The following AGO2 variants were observed in gnomAD, a reference collection of about 807,000 sequenced individuals.
The protein encoded by AGO2 is argonaute RISC catalytic component 2.
A neutral mutation model predicts 102.3 loss-of-function variants in AGO2; 5 were observed. The ratio of observed to expected loss-of-function variants is 0.05; its 90% CI spans 0.03 to 0.10. AGO2 has a LOEUF of 0.10. Among genes scored for constraint, AGO2 ranks in the 10% least tolerant of loss-of-function variants. The pLI, the probability that AGO2 is intolerant of heterozygous loss-of-function variation, is 1.00. For synonymous variants in AGO2, 449 were observed against 473.1 expected, an observed-to-expected ratio of 0.95 and a Z score of 0.66; for missense variants, 541 against 1,183.7, an observed-to-expected ratio of 0.46 and a Z score of 7.97.
chr8:140,580,427 C>G (rs569460838), intron 2 of AGO2, among the ~76,000 whole-genome samples: 1 of 152,244 alleles, frequency 6.6e-6, no homozygotes, highest in African/African-American at 2.4e-5. Flanking sequence ...AGACGCCATC[C>G]TTGCTCTCAC....
At chr8:140,597,062 G>T (rs2073856013) in intron 1 of AGO2, among the ~76,000 whole-genome samples, 1 of 152,158 alleles carries the variant, frequency 6.6e-6, no homozygotes, top group African/African-American at 2.4e-5. Context: ...CACAAAATGG[G>T]TTTTACGTCA....
chr8:140,631,944 C>T (rs2074347839), intron 1 of AGO2, among the ~76,000 whole-genome samples: 1 of 152,198 alleles, frequency 6.6e-6, no homozygotes, highest in Admixed American at 6.5e-5. Flanking sequence ...AGTCACTCTA[C>T]TTTTATGTCT....
chr8:140,545,759 TCA>T (rs1325227027), intron 13 of AGO2, among the ~76,000 whole-genome samples: 1 of 152,122 alleles, frequency 6.6e-6, no homozygotes, highest in Non-Finnish European at 1.5e-5. Flanking sequence ...TCAAAACATC[TCA>T]AAGTCTAGAT....
upstream of AGO2, among the ~76,000 whole-genome samples, chr8:140,636,022 C>G (rs1212545763): frequency 6.7e-6 from 1 of 149,972 alleles, no homozygotes; most frequent in African/African-American, 2.5e-5. Context: ...GCTGTGCCGC[C>G]GGAGCCGGAG....
chr8:140,634,073 C>T (rs1044145607), intron 1 of AGO2, among the ~76,000 whole-genome samples: 3 of 152,212 alleles, frequency 2.0e-5, no homozygotes, highest in Admixed American at 6.5e-5. Flanking sequence ...GGCCTGGCCA[C>T]CCAAGGCCTC....
chr8:140,615,618 T>C (rs2074132269), intron 1 of AGO2, among the ~76,000 whole-genome samples: 1 of 152,236 alleles, frequency 6.6e-6, no homozygotes, highest in South Asian at 2.1e-4. Flanking sequence ...AGGTAGGAAA[T>C]GGTGGCTTCT....
intron 1 of AGO2, among the ~76,000 whole-genome samples, chr8:140,597,480 C>CCCCCCCCCCCCCCCA (rs2073864620): frequency 3.0e-5 from 4 of 132,124 alleles, no homozygotes; most frequent in African/African-American, 1.1e-4. Flanking sequence ...CCCCACCCCC[C>CCCCCCCCCCCCCCCA]CCCCCCCGCC....
At chr8:140,619,539 G>A (rs2074187675) in intron 1 of AGO2, among the ~76,000 whole-genome samples, 1 of 152,198 alleles carries the variant, frequency 6.6e-6, no homozygotes, top group Non-Finnish European at 1.5e-5. Flanking sequence ...AGCCGCGGGA[G>A]GCCTGAGGCA....
At position 140,583,457 on chromosome 8, in the gene AGO2, T is replaced by C. The variant is rs898587080; in HGVS notation, c.215+1662A>G. Among the ~76,000 whole-genome samples the C allele has an allele frequency of 4.6e-5, 7 of 152,342 alleles. No individual in the cohort carries two copies. In the South Asian group the frequency reaches 6.2e-4, roughly 14 times the overall value. On this transcript the variant is annotated intron_variant, in intron 2 of 18. Coordinates refer to ENST00000220592, the MANE Select transcript of AGO2 (RefSeq NM_012154.5). Reference sequence around the variant, plus strand: ...CAATTTCATTGCAGTGTGAACATCATAGAGTATATTTACATATACCCAGGA... The same window carrying C: ...CAATTTCATTGCAGTGTGAACATCACAGAGTATATTTACATATACCCAGGA...
At chr8:140,562,913 C>T (rs1186249792) in intron 3 of AGO2, among the ~76,000 whole-genome samples, 1 of 152,196 alleles carries the variant, frequency 6.6e-6, no homozygotes, top group South Asian at 2.1e-4. Context: ...CCTCGTTTCA[C>T]CCCCAAACAA....
At position 140,582,944 on chromosome 8, in the gene AGO2, C is replaced by A. The variant is rs527532551; in HGVS notation, c.215+2175G>T. On this transcript the variant is annotated intron_variant, in intron 2 of 18. Transcript: ENST00000220592. Reference sequence around the variant, plus strand: ...CTAGATTAAAGAATAATCCAGAGAACTGGTAAAGCTTGACTTCTGGGCATG... The same window carrying A: ...CTAGATTAAAGAATAATCCAGAGAAATGGTAAAGCTTGACTTCTGGGCATG... 3.3e-5 allele frequency among the ~76,000 whole-genome samples: 5 copies of A among 152,328 alleles called. No homozygotes were observed. In the East Asian group the frequency reaches 9.6e-4, roughly 29 times the overall value.
chr8:140,627,250 C>T (rs1386858620), intron 1 of AGO2, among the ~76,000 whole-genome samples: 2 of 152,202 alleles, frequency 1.3e-5, no homozygotes, highest in African/African-American at 4.8e-5. Context: ...GTCCTCCAAC[C>T]GTCGGAACAA....
At chr8:140,630,580 G>C (rs1370605144) in intron 1 of AGO2, among the ~76,000 whole-genome samples, 1 of 152,254 alleles carries the variant, frequency 6.6e-6, no homozygotes, top group Non-Finnish European at 1.5e-5. Context: ...CCCCAGTGAG[G>C]AGGAGAGAGC....
intron 1 of AGO2, 115 bp from the exon 2 acceptor site, chr8:140,585,426 A>G: frequency 2.5e-6 from 3 of 1,195,204 alleles, no homozygotes; most frequent in Non-Finnish European, 3.5e-6. Flanking sequence ...ATTCACGTCC[A>G]GGCCAATATT....
At chr8:140,629,821 G>C (rs549641365) in intron 1 of AGO2, among the ~76,000 whole-genome samples, 65 of 149,004 alleles carry the variant, frequency 4.4e-4, no homozygotes, top group South Asian at 1.9e-3. Flanking sequence ...TGGGCCATGA[G>C]AGTGAGACCC....
chr8:140,562,343 C>T, intron 4 of AGO2, 110 bp downstream of exon 4: 1 of 1,359,762 alleles, frequency 7.4e-7, no homozygotes, highest in Non-Finnish European at 9.8e-7. Context: ...GTGACCACTC[C>T]CACCCTGGAT....
intron 17 of AGO2, among the ~76,000 whole-genome samples, chr8:140,534,085 G>A (rs2072650743): frequency 6.6e-6 from 1 of 152,202 alleles, no homozygotes; most frequent in South Asian, 2.1e-4. Flanking sequence ...GGCCCCTGGT[G>A]CTGGTGGGCA....
In AGO2 at chr8:140,580,911, C is replaced by T. The variant is rs1020377515; in HGVS notation, c.215+4208G>A. On this transcript the variant is annotated intron_variant, in intron 2 of 18. Coordinates refer to ENST00000220592, the MANE Select transcript of AGO2 (RefSeq NM_012154.5). ...CCCTGCATTTGCTGCTTACCAACTG[C>T]GTGACCTGAGCCTGGCAGGCGAAAC... 4.6e-5 allele frequency among the ~76,000 whole-genome samples: 7 copies of T among 152,260 alleles called. No individual in the cohort carries two copies. In the South Asian group the frequency reaches 6.2e-4, roughly 13 times the overall value.
chr8:140,535,018 G>A (rs943344231), intron 17 of AGO2, among the ~76,000 whole-genome samples: 1 of 152,220 alleles, frequency 6.6e-6, no homozygotes, highest in African/African-American at 2.4e-5. Flanking sequence ...GCCTGGCCCT[G>A]GCCAGTGATT....
Sources: allele counts gnomAD v4.1 joint callset (sites outside exome capture counted in the v4.1 genomes callset), GRCh38; gene constraint gnomAD v4.1.1; transcripts MANE v1.5; gene names NCBI Gene and HGNC (gene_info 2026-07-23, HGNC 2026-07-21).